TSNARE1: variants seen among roughly 807,000 people sequenced by gnomAD.
TSNARE1 encodes t-SNARE domain containing 1, also known as t-SNARE domain-containing protein 1.
A neutral mutation model predicts 62.0 loss-of-function variants in TSNARE1; 49 were observed. The ratio of observed to expected loss-of-function variants is 0.79; its 90% confidence interval spans 0.63 to 1.00. The LOEUF (loss-of-function observed/expected upper bound fraction) is 1.00. Ranked by LOEUF, TSNARE1 falls within the 50% of genes least tolerant of loss-of-function variation. The pLI is 0.00. For missense variants in TSNARE1, 755 were observed against 700.1 expected (o/e 1.08, Z -0.88); for synonymous variants, 328 against 294.4 (o/e 1.11, Z -1.17).
intron 9 of TSNARE1, among the ~76,000 whole-genome samples, chr8:142,306,799 A>T (rs1447084328): frequency 6.6e-6 from 1 of 151,964 alleles, no homozygotes. Flanking sequence ...ACTACTGGCC[A>T]CTCCCCACCT....
chr8:142,350,962 C>T (rs931000683), intron 2 of TSNARE1, among the ~76,000 whole-genome samples: 4 of 152,240 alleles, frequency 2.6e-5, no homozygotes, highest in African/African-American at 9.6e-5. Flanking sequence ...TAGAGGCCGT[C>T]GGCCACTTCA....
chr8:142,340,316 C>T (rs779203113), intron 4 of TSNARE1, among the ~76,000 whole-genome samples: 4 of 152,162 alleles, frequency 2.6e-5, no homozygotes, highest in Non-Finnish European at 5.9e-5. Flanking sequence ...GAGGAGGAAG[C>T]GGAGGCTCCA....
chr8:142,397,538 C>A (rs1055565020), intron 1 of TSNARE1, among the ~76,000 whole-genome samples: 7 of 152,138 alleles, frequency 4.6e-5, no homozygotes, highest in African/African-American at 1.7e-4. Flanking sequence ...CTGGATGTTA[C>A]GTAAGTCAGG....
intron 12 of TSNARE1, chr8:142,269,361 C>T (rs1239276662): frequency 2.2e-6 from 2 of 890,630 alleles, no homozygotes; most frequent in Non-Finnish European, 2.7e-6. Context: ...AGTCAGGACA[C>T]AGTGTGGGGT....
intron 2 of TSNARE1, among the ~76,000 whole-genome samples, chr8:142,350,102 CAGG>C (rs1833907186): frequency 1.9e-5 from 2 of 103,152 alleles, no homozygotes; most frequent in Non-Finnish European, 3.7e-5. Context: ...GCAGGCAGGG[CAGG>C]CAGGGCAGGC....
At chr8:142,375,472 C>A (rs1256803139) in intron 1 of TSNARE1, among the ~76,000 whole-genome samples, 1 of 152,214 alleles carries the variant, frequency 6.6e-6, no homozygotes, top group Non-Finnish European at 1.5e-5. Flanking sequence ...AGGGCAGGCA[C>A]TGGCAGGACA....
chr8:142,326,065 A>AGGGGAG (rs1369510798), intron 6 of TSNARE1: 2 of 113,538 alleles, frequency 1.8e-5, no homozygotes, highest in African/African-American at 4.1e-5. Context: ...GCACCAGTGA[A>AGGGGAG]GGCCCCGGAG....
intron 12 of TSNARE1, 165 bp downstream of exon 12, chr8:142,274,616 G>T: frequency 7.1e-6 from 7 of 985,468 alleles, no homozygotes; most frequent in Non-Finnish European, 8.4e-6. Flanking sequence ...GCCACTCCCA[G>T]AGCCCTAGGG....
At chr8:142,388,550 C>CTTTTTTTTTTTTTTTT (rs71313221) in intron 1 of TSNARE1, among the ~76,000 whole-genome samples, 1 of 67,410 alleles carries the variant, frequency 1.5e-5, no homozygotes, top group Non-Finnish European at 2.5e-5. Flanking sequence ...AAAACAAAAT[C>CTTTTTTTTTTTTTTTT]TTTTTTTTTT....
intron 12 of TSNARE1, among the ~76,000 whole-genome samples, chr8:142,239,429 T>C (rs10110368): frequency 0.57 from 86,205 of 151,906 alleles, 26,523 homozygotes; most frequent in African/African-American, 0.81. Context: ...CGTTTAAAGG[T>C]CCATGCATTA....
intron 13 of TSNARE1, among the ~76,000 whole-genome samples, chr8:142,214,295 C>A (rs1815723163): frequency 6.6e-6 from 1 of 152,220 alleles, no homozygotes. Flanking sequence ...CACCACAGGG[C>A]CTCCCTGGAC....
intron 1 of TSNARE1, among the ~76,000 whole-genome samples, chr8:142,375,938 G>A (rs1000318155): frequency 1.3e-5 from 2 of 152,124 alleles, no homozygotes; most frequent in Non-Finnish European, 2.9e-5. Flanking sequence ...CAAAAGCAGC[G>A]GGCAGGGCCT....
chr8:142,265,974 A>C (rs1370756968), intron 12 of TSNARE1, among the ~76,000 whole-genome samples: 1 of 152,228 alleles, frequency 6.6e-6, no homozygotes, highest in Non-Finnish European at 1.5e-5. Context: ...CCTTCATCAG[A>C]CATGTGATTT....
chr8:142,379,015 C>T (rs773275941), intron 1 of TSNARE1, among the ~76,000 whole-genome samples: 2 of 152,224 alleles, frequency 1.3e-5, no homozygotes, highest in African/African-American at 4.8e-5. Context: ...TCCCTGGATG[C>T]GGCTATCATG....
intron 2 of TSNARE1, among the ~76,000 whole-genome samples, chr8:142,346,934 AC>A (rs1833451494): frequency 6.6e-6 from 1 of 151,856 alleles, no homozygotes; most frequent in African/African-American, 2.4e-5. Context: ...CTCTCATCGG[AC>A]CCCCACGAGG....
intron 1 of TSNARE1, among the ~76,000 whole-genome samples, chr8:142,361,244 T>C (rs1049478756): frequency 7.9e-5 from 12 of 152,358 alleles, no homozygotes; most frequent in African/African-American, 2.6e-4. Flanking sequence ...TCGGAGACTC[T>C]GTGCTCCAGA....
chr8:142,357,153 AG>A (rs1166252002), intron 1 of TSNARE1, among the ~76,000 whole-genome samples: 6 of 152,204 alleles, frequency 3.9e-5, no homozygotes, highest in Admixed American at 3.9e-4. Flanking sequence ...CAGGAGGGCC[AG>A]GGGAAGAGAA....
At chr8:142,245,564 A>G (rs1340797450) in intron 12 of TSNARE1, among the ~76,000 whole-genome samples, 2 of 152,264 alleles carry the variant, frequency 1.3e-5, no homozygotes, top group African/African-American at 2.4e-5. Context: ...CAGTCTCAGA[A>G]GAATACTAAT....
intron 6 of TSNARE1, among the ~76,000 whole-genome samples, chr8:142,328,553 C>G (rs1378281357): frequency 6.6e-6 from 1 of 152,224 alleles, no homozygotes; most frequent in Non-Finnish European, 1.5e-5. Flanking sequence ...GGCAGCACCC[C>G]TTCTGCAGAA....
Sources: gnomAD v4.1 joint callset for allele counts (sites outside exome capture counted in the v4.1 genomes callset) on GRCh38, gnomAD v4.1.1 for gene constraint, MANE v1.5 for transcripts, NCBI Gene and HGNC (gene_info 2026-07-23, HGNC 2026-07-21) for gene names.